The following CEP76 variants were observed in gnomAD, a reference collection of about 807,000 sequenced individuals.
CEP76 encodes the protein centrosomal protein 76.
A neutral mutation model predicts 83.3 loss-of-function variants in CEP76; 55 were observed. The ratio of observed to expected loss-of-function variants is 0.66; its 90% confidence interval spans 0.53 to 0.83. CEP76 has a LOEUF of 0.83. Ranked by LOEUF, CEP76 falls within the 40% of genes least tolerant of loss-of-function variation. CEP76 has a pLI of 0.00. For synonymous variants in CEP76, 270 were observed against 274.5 expected, an observed-to-expected ratio of 0.98 and a Z score of 0.16; for missense variants, 694 against 799.5, an observed-to-expected ratio of 0.87 and a Z score of 1.59.
At chr18:12,668,761 CAG>C (rs1472440830), downstream of CEP76, among the ~76,000 whole-genome samples, 196 of 89,686 alleles carry the variant, frequency 2.2e-3, 3 homozygotes, top group Middle Eastern at 0.012. Context: ...TTTTTTGAGA[CAG>C]AGTCTTGCTC....
At chr18:12,674,377 G>C (rs986411038) in intron 11 of CEP76, among the ~76,000 whole-genome samples, 159 bp downstream of exon 11, 1 of 150,810 alleles carries the variant, frequency 6.6e-6, no homozygotes, top group African/African-American at 2.4e-5. Flanking sequence ...AGGAGGTCAA[G>C]GCTACAGTGA....
At chr18:12,662,191 G>GAA (rs5823232) in intron 12 of CEP76, 4,890 of 383,834 alleles carry the variant, frequency 0.013, no homozygotes, top group Non-Finnish European at 0.017. Context: ...CACCAGAAAG[G>GAA]AAAAAAAAAA....
downstream of CEP76, among the ~76,000 whole-genome samples, chr18:12,668,597 C>CA (rs752216074): frequency 0.031 from 2,233 of 72,572 alleles, 333 homozygotes; most frequent in East Asian, 0.092. Context: ...GATTCCATCT[C>CA]AAAAAAAAAA....
At chr18:12,674,847 GAA>G (rs1044051030) in intron 10 of CEP76, 94 bp from the exon 11 acceptor site, 3 of 653,122 alleles carry the variant, frequency 4.6e-6, no homozygotes, top group Non-Finnish European at 7.3e-6. Context: ...TGTATACCAA[GAA>G]AAGATTTTTA....
chr18:12,675,404 T>A (rs912863300), intron 10 of CEP76, among the ~76,000 whole-genome samples: 12 of 151,590 alleles, frequency 7.9e-5, no homozygotes, highest in East Asian at 5.8e-4. Flanking sequence ...TCAAAAAAAA[T>A]AAATAAATAA....
At chr18:12,674,839 T>C in intron 10 of CEP76, 86 bp from the exon 11 acceptor site, 1 of 723,356 alleles carries the variant, frequency 1.4e-6, no homozygotes. Flanking sequence ...TATTTTAATG[T>C]ATACCAAGAA....
chr18:12,689,986 G>A (rs139248033), intron 7 of CEP76, among the ~76,000 whole-genome samples: 2,738 of 152,180 alleles, frequency 0.018, 94 homozygotes, highest in African/African-American at 0.062. Flanking sequence ...ACAAGGTTTC[G>A]CCATGTTGGC....
intron 7 of CEP76, among the ~76,000 whole-genome samples, chr18:12,687,879 C>T (rs1220070281): frequency 6.6e-6 from 1 of 151,950 alleles, no homozygotes; most frequent in African/African-American, 2.4e-5. Context: ...AATACTAAGT[C>T]CTGAAATCAC....
rs768783235 is a variant in CEP76 at position 12,697,222 on chromosome 18, C to T, written c.706+1G>A. The T allele has an allele frequency of 5.6e-6, 9 of 1,607,296 alleles. No homozygotes were observed. The highest frequency in any genetic ancestry group is 3.3e-5 in the South Asian group (3 of 90,370). ...TAACAATGATATATTAATCACCATA[C>T]CTACACCCATAAGTTCCACAGTCAG... On this transcript the variant is annotated splice_donor_variant, in intron 5 of 11. Transcript: ENST00000262127. LOFTEE classifies it high-confidence loss of function.
chr18:12,698,865 TAG>T, intron 4 of CEP76, 112 bp downstream of exon 4: 1 of 729,146 alleles, frequency 1.4e-6, no homozygotes, highest in Non-Finnish European at 2.2e-6. Flanking sequence ...GGAAACAAAA[TAG>T]AGATTCCTCC....
chr18:12,682,115 G>A (rs1286955775), intron 8 of CEP76, among the ~76,000 whole-genome samples: 4 of 152,040 alleles, frequency 2.6e-5, no homozygotes, highest in African/African-American at 9.7e-5. Flanking sequence ...GACTACACGC[G>A]AAAGCAAAAA....
rs1442641714 is a variant in CEP76, at chr18:12,673,307, T to C, written c.*58A>G. ...AACAAACCTCTAAATAGCTAAGTAATGTACAATGTGTAAAATTCCAATTAA... is the reference window on the plus strand; with the variant it reads ...AACAAACCTCTAAATAGCTAAGTAACGTACAATGTGTAAAATTCCAATTAA... On this transcript the variant is annotated 3_prime_UTR_variant, in exon 12 of 12. Coordinates refer to ENST00000262127, the MANE Select transcript of CEP76 (RefSeq NM_024899.4). The C allele has an allele frequency of 1.9e-6, 3 of 1,554,800 alleles. No individual in the cohort carries two copies. The highest frequency in any genetic ancestry group is 2.6e-6 in the Non-Finnish European group (3 of 1,159,064).
Position 12,688,729 on chromosome 18 carries a change from T to A in CEP76, c.934-2279A>T, listed in dbSNP as rs554587928. On this transcript the variant is annotated intron_variant, in intron 7 of 11. Transcript: ENST00000262127. ...TTAATTAAAATTTAAAATTCAATTA[T>A]TTTTAGTCATAATAGCCACATTTTG... 1.6e-3 allele frequency among the ~76,000 whole-genome samples: 246 copies of A among 152,306 alleles called. 1 individual carries two copies. The highest frequency in any genetic ancestry group is 5.6e-3 in the African/African-American group (232 of 41,566).
At chr18:12,662,100 G>T in exon 13 of CEP76, 1 of 427,912 alleles carries the variant, frequency 2.3e-6, no homozygotes, top group South Asian at 1.7e-5. Flanking sequence ...CTTTCAGGGA[G>T]CACCATCACT....
downstream of CEP76, among the ~76,000 whole-genome samples, chr18:12,671,473 CTA>C (rs896121803): frequency 1.4e-4 from 22 of 151,932 alleles, no homozygotes; most frequent in African/African-American, 4.8e-4. Context: ...ATGAAAAGAA[CTA>C]TGCACAGAAG....
chr18:12,676,279 C>CTTTTT (rs1157897766), intron 10 of CEP76, among the ~76,000 whole-genome samples: 10 of 106,432 alleles, frequency 9.4e-5, no homozygotes, highest in Non-Finnish European at 1.3e-4. Flanking sequence ...ACAGTAATTC[C>CTTTTT]TTTTTTTTTT....
At position 12,701,948 on chromosome 18, in the gene CEP76, G is replaced by A. The variant is rs143933114; in HGVS notation, c.63+538C>T. On this transcript the variant is annotated intron_variant, in intron 1 of 11. Transcript: ENST00000262127. ...GTTCGGGACCAGCCACACCAACATG[G>A]TGAAACCGTCTCTACTAAAAATACA... Among the ~76,000 whole-genome samples the A allele has an allele frequency of 7.3e-3, 1,117 of 152,170 alleles. 6 individuals carry two copies. Among genetic ancestry groups the A allele is most frequent in the Non-Finnish European group, 0.012 (820 of 68,012 alleles).
intron 1 of CEP76, 136 bp from the exon 2 acceptor site, chr18:12,701,249 A>G (rs1307919109): frequency 1.6e-6 from 1 of 630,420 alleles, no homozygotes. Context: ...GTAAGCTTTT[A>G]AAGAATGAAT....
chr18:12,688,024 A>C (rs373528439), intron 7 of CEP76, among the ~76,000 whole-genome samples: 88 of 152,036 alleles, frequency 5.8e-4, no homozygotes, highest in African/African-American at 1.8e-3. Context: ...TGGGTGGATC[A>C]CGAGGTCAGG....
Sources: gnomAD v4.1 joint callset for allele counts (sites outside exome capture counted in the v4.1 genomes callset) on GRCh38, gnomAD v4.1.1 for gene constraint, MANE v1.5 for transcripts, NCBI Gene and HGNC (gene_info 2026-07-23, HGNC 2026-07-21) for gene names.